Variants in PDE1C observed in about 807,000 individuals in gnomAD.
PDE1C encodes phosphodiesterase 1C.
Under a neutral mutation model 93.1 loss-of-function variants are expected in PDE1C, and 62 were observed. That is an observed-to-expected ratio of 0.67 (90% CI 0.54 to 0.82). The LOEUF (loss-of-function observed/expected upper bound fraction) is 0.82, where lower values mean the gene tolerates loss of function less well. Ranked by LOEUF, PDE1C falls within the 40% of genes least tolerant of loss-of-function variation. The pLI is 0.00. For missense variants in PDE1C, 742 were observed against 884.6 expected (o/e 0.84, Z 2.04); for synonymous variants, 325 against 310.1 (o/e 1.05, Z -0.50).
intron 2 of PDE1C, among the ~76,000 whole-genome samples, chr7:31,919,146 A>G (rs1802301422): frequency 6.6e-6 from 1 of 152,224 alleles, no homozygotes; most frequent in South Asian, 2.1e-4. Flanking sequence ...ACTCAAGACA[A>G]CAGAAATAGT....
At chr7:31,707,623 G>T in the PDE1C span, 1 of 223,594 alleles carries the variant, frequency 4.5e-6, no homozygotes. Context: ...GGATTACATG[G>T]GCTCCTTCTT....
chr7:32,045,804 C>G (rs1792470379), intron 2 of PDE1C, among the ~76,000 whole-genome samples: 1 of 152,164 alleles, frequency 6.6e-6, no homozygotes, highest in Non-Finnish European at 1.5e-5. Context: ...TCCTAGGATA[C>G]AACTGCTTAG....
chr7:31,832,294 C>T, intron 11 of PDE1C, among the ~76,000 whole-genome samples: 1 of 152,180 alleles, frequency 6.6e-6, no homozygotes, highest in East Asian at 1.9e-4. Flanking sequence ...AAATGAACCT[C>T]ACAGTTTTTC....
At chr7:31,876,418 T>C (rs1796594563) in intron 5 of PDE1C, among the ~76,000 whole-genome samples, 1 of 152,186 alleles carries the variant, frequency 6.6e-6, no homozygotes, top group East Asian at 1.9e-4. Flanking sequence ...CACATCACAG[T>C]TTGTTCCAAT....
chr7:31,705,684 T>C, the PDE1C span, among the ~76,000 whole-genome samples: 1 of 152,178 alleles, frequency 6.6e-6, no homozygotes, highest in Non-Finnish European at 1.5e-5. Context: ...AGGCCTCTTG[T>C]GGTGCACAGC....
At chr7:32,237,346 C>G (rs547283877) in intron 1 of PDE1C, among the ~76,000 whole-genome samples, 4 of 151,978 alleles carry the variant, frequency 2.6e-5, no homozygotes, top group Admixed American at 6.6e-5. Flanking sequence ...CTCGGCTATT[C>G]ATGTAATATT....
At chr7:32,388,122 GAATT>G (rs1430521876) in intron 1 of PDE1C, among the ~76,000 whole-genome samples, 1 of 152,238 alleles carries the variant, frequency 6.6e-6, no homozygotes, top group Non-Finnish European at 1.5e-5. Flanking sequence ...CTATTTTTCT[GAATT>G]AATACATTGA....
intron 2 of PDE1C, among the ~76,000 whole-genome samples, chr7:32,209,323 A>G (rs1584963647): frequency 6.6e-6 from 1 of 152,204 alleles, no homozygotes; most frequent in Admixed American, 6.5e-5. Context: ...AGCAATGAGT[A>G]GCTCACCAGC....
At chr7:32,151,325 T>C (rs896611799) in intron 3 of PDE1C, among the ~76,000 whole-genome samples, 8 of 152,212 alleles carry the variant, frequency 5.3e-5, no homozygotes, top group African/African-American at 1.9e-4. Context: ...TCCATAGTTA[T>C]TTATTGCCCA....
At position 31,880,762 on chromosome 7, in the gene PDE1C, TAC is replaced by T. The variant is rs1797138951; in HGVS notation, c.225_226del (p.Ile77Ter). The T allele has an allele frequency of 1.3e-6, 2 of 1,589,724 alleles. No homozygotes were observed. Among genetic ancestry groups the T allele is most frequent in the East Asian group, 4.5e-5 (2 of 44,642 alleles). On this transcript the variant is annotated frameshift_variant, in exon 3 of 18. Transcript: ENST00000396191. LOFTEE classifies it high-confidence loss of function. ...TTTAGCTTACCTTGTTTCATCAATATACACAGATTCAAGCACTGTGGCTGCAT... is the reference window on the plus strand; with the variant it reads ...TTTAGCTTACCTTGTTTCATCAATATACAGATTCAAGCACTGTGGCTGCAT...
At chr7:31,642,987 T>A in the PDE1C span, 7 of 1,613,744 alleles carry the variant, frequency 4.3e-6, no homozygotes, top group African/African-American at 9.3e-5. Flanking sequence ...AAGACAGCCA[T>A]CTGTGGCAGC....
At chr7:31,765,405 T>C (rs1022222287) in intron 17 of PDE1C, among the ~76,000 whole-genome samples, 5 of 152,226 alleles carry the variant, frequency 3.3e-5, no homozygotes, top group African/African-American at 1.2e-4. Flanking sequence ...ATGATTCTAG[T>C]TGTTTCAATG....
rs1327654774 is a variant in PDE1C at position 31,837,209 on chromosome 7, T to C, written c.1174A>G (p.Met392Val). Residue 392 changes from methionine (M) to valine (V), a missense_variant, in exon 11 of 18, where the codon ATG becomes GTG. Coordinates refer to ENST00000396191, the MANE Select transcript of PDE1C (RefSeq NM_001191057.4). Reference sequence around the variant, plus strand: ...CTGAAGAACTCCTCCAGGAGTGACATTGTCCAGCGATGATGGAGGTCCCAT... The same window carrying C: ...CTGAAGAACTCCTCCAGGAGTGACACTGTCCAGCGATGATGGAGGTCCCAT... ...KAWDLHHRWT[M>V]SLLEEFFRQG... 4 of 1,613,596 alleles carry C rather than the reference T, an allele frequency of 2.5e-6. No homozygotes were observed. The highest frequency in any genetic ancestry group is 1.3e-5 in the African/African-American group (1 of 74,900).
chr7:31,696,899 C>A, the PDE1C span: 1 of 1,526,486 alleles, frequency 6.6e-7, no homozygotes, highest in Non-Finnish European at 8.9e-7. Flanking sequence ...TAAATATGCA[C>A]AGTCCTCATA....
At chr7:32,206,694 C>G (rs763634021) in intron 2 of PDE1C, among the ~76,000 whole-genome samples, 18 of 152,330 alleles carry the variant, frequency 1.2e-4, no homozygotes, top group African/African-American at 4.3e-4. Flanking sequence ...GCCCACCATG[C>G]AGTACCCACA....
At chr7:31,691,797 T>TAAAAAAAAAAAAAAAAAAA in the PDE1C span, among the ~76,000 whole-genome samples, 1 of 86,558 alleles carries the variant, frequency 1.2e-5, no homozygotes, top group Non-Finnish European at 2.2e-5. Context: ...ATGTAATGAT[T>TAAAAAAAAAAAAAAAAAAA]AAAAAAAAAA....
At position 32,224,370 on chromosome 7, in the gene PDE1C, C is replaced by CA. The variant is rs79814137; in HGVS notation, c.86-14832dup. 1.2e-3 allele frequency among the ~76,000 whole-genome samples: 171 copies of CA among 139,066 alleles called. 2 individuals are homozygous for CA. The highest frequency in any genetic ancestry group is 7.5e-3 in the Middle Eastern group (2 of 268). 91.2% of individuals were successfully genotyped at this position (139,066 alleles called of 152,430 possible). A position where few individuals can be genotyped will look rare whatever the true frequency, so the allele number is the denominator to read the frequency against. On this transcript the variant is annotated intron_variant, in intron 1 of 18. Transcript: ENST00000396193. ...CCTGGGCGACAGTGAGACTCCATCTCAAAAAAAAAAAAGACTGCAGGCTTT... is the reference window on the plus strand; with the variant it reads ...CCTGGGCGACAGTGAGACTCCATCTCAAAAAAAAAAAAAGACTGCAGGCTTT...
At chr7:32,340,487 C>T (rs576277019) in intron 1 of PDE1C, among the ~76,000 whole-genome samples, 5 of 152,038 alleles carry the variant, frequency 3.3e-5, no homozygotes, top group African/African-American at 7.2e-5. Context: ...TGGAGTGGAA[C>T]GCACAGCTAT....
At chr7:31,961,765 AATAT>A (rs758692412) in intron 2 of PDE1C, among the ~76,000 whole-genome samples, 2 of 152,250 alleles carry the variant, frequency 1.3e-5, no homozygotes, top group African/African-American at 2.4e-5. Flanking sequence ...TACATACATA[AATAT>A]ATAAACACAT....
Sources: allele counts gnomAD v4.1 joint callset (sites outside exome capture counted in the v4.1 genomes callset), GRCh38; gene constraint gnomAD v4.1.1; transcripts MANE v1.5; gene names NCBI Gene and HGNC (gene_info 2026-07-23, HGNC 2026-07-21).